The following POPDC3 variants were observed in gnomAD, a reference collection of about 807,000 sequenced individuals.
The protein encoded by POPDC3 is popeye domain-containing protein 3.
POPDC3 carries 20 observed loss-of-function variants against 28.2 expected under a neutral mutation model. That is an observed-to-expected ratio of 0.71 (90% CI 0.50 to 1.03). The LOEUF (loss-of-function observed/expected upper bound fraction) is 1.03. POPDC3 is among the 50% of genes least tolerant of loss of function. The probability of loss-of-function intolerance (pLI) is 0.00; values close to 1 mark genes in which losing one functional copy is unlikely to be tolerated. For synonymous variants in POPDC3, 118 were observed against 124.1 expected (o/e 0.95, Z 0.33); for missense variants, 316 against 345.9 (o/e 0.91, Z 0.69).
At chr6:105,160,501 A>G (rs1582988347) in intron 2 of POPDC3, among the ~76,000 whole-genome samples, 1 of 151,982 alleles carries the variant, frequency 6.6e-6, no homozygotes, top group Non-Finnish European at 1.5e-5. Flanking sequence ...GGCGTGAGCC[A>G]CCGCGCCTGG....
intron 1 of POPDC3, among the ~76,000 whole-genome samples, chr6:105,164,185 T>C (rs1008156329): frequency 3.9e-5 from 6 of 152,204 alleles, no homozygotes; most frequent in East Asian, 3.9e-4. Flanking sequence ...CTCTGAACTT[T>C]GGTTTGAACT....
In POPDC3 at chr6:105,161,698, T is replaced by C. The variant is rs1289066886; in HGVS notation, c.212A>G (p.Asp71Gly). 2 of 1,614,070 alleles carry C rather than the reference T, an allele frequency of 1.2e-6. No homozygotes were observed. Among genetic ancestry groups the C allele is most frequent in the Non-Finnish European group, 1.7e-6 (2 of 1,180,022 alleles). Reference sequence around the variant, plus strand: ...GGAAAATATGTCAGCTGCACAGACATCTACCCAAGCCCAGACAGCAGAACA... The same window carrying C: ...GGAAAATATGTCAGCTGCACAGACACCTACCCAAGCCCAGACAGCAGAACA... ...FLCSAVWAWV[D>G]VCAADIFSWN... The change falls in exon 2 of 4, where the codon GAT becomes GGT. Residue 71 changes from aspartate (D) to glycine (G), a missense_variant. Asp to Gly is a moderately conservative substitution (Grantham distance 94). Transcript: ENST00000254765.
At chr6:105,171,065 A>G (rs1191790005) in intron 1 of POPDC3, among the ~76,000 whole-genome samples, 1 of 152,160 alleles carries the variant, frequency 6.6e-6, no homozygotes, top group Admixed American at 6.5e-5. Context: ...CAAACTGTAA[A>G]TTTTCAAAAT....
rs59617768 is a variant in POPDC3, at chr6:105,163,792, A to C, written c.-251-1632T>G. On this transcript the variant is annotated intron_variant, in intron 1 of 3. Coordinates refer to ENST00000254765, the MANE Select transcript of POPDC3 (RefSeq NM_022361.5). ...CCAGGTGAATCATTTAAAAAAAAAG[A>C]AAAAAAAAGCTTAGACTTACAACTT... The C allele has an allele frequency of 1.0e-3, 158 of 151,566 alleles. 4 individuals carry two copies. The East Asian group carries it at 0.028, about 27-fold the overall frequency. 9.4% of individuals were successfully genotyped at this position (151,566 alleles called of 1,614,324 possible).
intron 1 of POPDC3, among the ~76,000 whole-genome samples, chr6:105,174,770 A>T (rs565078245): frequency 4.7e-4 from 72 of 152,336 alleles, no homozygotes; most frequent in African/African-American, 1.7e-3. Context: ...CACTGACAAA[A>T]TCTAGCCAAT....
intron 1 of POPDC3, 113 bp from the exon 2 acceptor site, chr6:105,162,273 G>A (rs548684883): frequency 2.6e-4 from 112 of 436,522 alleles, no homozygotes; most frequent in Non-Finnish European, 3.2e-4. Flanking sequence ...TTTCTATGAA[G>A]TTAGAGTATT....
At position 105,178,563 on chromosome 6, in the gene POPDC3, G is replaced by GACACAC. The variant is rs56060844; in HGVS notation, c.-252+1264_-252+1269dup. ...AATATTTGTATCCCAAACTCCTGAA[G>GACACAC]ACACACACACACACACACACACACA... On this transcript the variant is annotated intron_variant, in intron 1 of 3. Transcript: ENST00000254765. The GACACAC allele has an allele frequency of 5.9e-5, 9 of 152,964 alleles. No individual in the cohort carries two copies. The East Asian group carries it at 8.0e-4, about 14-fold the overall frequency. 9.5% of individuals were successfully genotyped at this position (152,964 alleles called of 1,614,324 possible).
rs150202904 is a variant in POPDC3 at position 105,161,835 on chromosome 6, G to C, written c.75C>G (p.Ala25=). The C allele has an allele frequency of 1.9e-6, 3 of 1,613,960 alleles. No homozygotes were observed. The highest frequency in any genetic ancestry group is 1.7e-5 in the Admixed American group (1 of 59,998). The change falls in exon 2 of 4, where the codon GCC becomes GCG. Residue 25 remains alanine, a synonymous_variant. Transcript: ENST00000254765. The stretch of plus-strand genomic sequence containing the variant: ...TGGCAAGATGATAAATGGCTCCTTC[G>C]GCCTCTTGCTTCCAGGTTGTGCAGA... ...HPVCTTWKQE[A]EGAIYHLASI... is the part of the protein sequence containing the mutation.
Position 105,172,317 on chromosome 6 carries a change from A to C in POPDC3, c.-252+7516T>G, listed in dbSNP as rs1024606807. Among the ~76,000 whole-genome samples the C allele has an allele frequency of 1.1e-4, 16 of 151,422 alleles. 3 individuals carry two copies. Among genetic ancestry groups the C allele is most frequent in the South Asian group, 2.1e-4 (1 of 4,798 alleles). On this transcript the variant is annotated intron_variant, in intron 1 of 3. Coordinates refer to ENST00000254765, the MANE Select transcript of POPDC3 (RefSeq NM_022361.5). ...ATCACTGGCCATCACATAAATGCAA[A>C]TCAAAACCACAATGAGATACCATCT... is the stretch of plus-strand genomic sequence containing the variant.
intron 1 of POPDC3, among the ~76,000 whole-genome samples, chr6:105,171,105 A>G (rs1774568005): frequency 6.6e-6 from 1 of 152,224 alleles, no homozygotes; most frequent in African/African-American, 2.4e-5. Context: ...TAGCTGGTAG[A>G]TGTTTGAGAG....
At position 105,161,607 on chromosome 6, in the gene POPDC3, G is replaced by C; in HGVS notation, c.303C>G (p.Ser101Arg). The change falls in exon 2 of 4, where the codon AGC (serine) becomes AGG (arginine). Residue 101 changes from serine (S) to arginine (R), a missense_variant. Physicochemically the swap from Ser to Arg is moderately radical, Grantham distance 110. Transcript: ENST00000254765. ...QFVHIAYQVRSITFAREFQVL... is the reference protein window; with the variant it reads ...QFVHIAYQVRRITFAREFQVL... ...CTTGGAATTCTCGGGCAAAGGTTATGCTGCGAACTTGATATGCAATATGAA... is the reference window on the plus strand; with the variant it reads ...CTTGGAATTCTCGGGCAAAGGTTATCCTGCGAACTTGATATGCAATATGAA... 2 of 1,614,210 alleles carry C rather than the reference G, an allele frequency of 1.2e-6. No individual in the cohort carries two copies. The highest frequency in any genetic ancestry group is 1.7e-6 in the Non-Finnish European group (2 of 1,180,046).
intron 1 of POPDC3, among the ~76,000 whole-genome samples, chr6:105,179,404 C>T (rs182558586): frequency 1.1e-3 from 172 of 152,164 alleles, no homozygotes; most frequent in African/African-American, 3.7e-3. Context: ...TGACAAGGGC[C>T]CCTAGGAACG....
intron 1 of POPDC3, among the ~76,000 whole-genome samples, chr6:105,162,679 G>A (rs932806783): frequency 2.0e-5 from 3 of 152,200 alleles, no homozygotes; most frequent in Admixed American, 6.5e-5. Flanking sequence ...TCAGTGAGCC[G>A]AGATCATCTT....
chr6:105,159,625 C>A, intron 3 of POPDC3, 86 bp downstream of exon 3: 2 of 739,122 alleles, frequency 2.7e-6, no homozygotes, highest in Non-Finnish European at 2.3e-6. Context: ...CTTGTCTTAT[C>A]CACTGTTGTT....
intron 1 of POPDC3, among the ~76,000 whole-genome samples, chr6:105,164,322 GT>G (rs1774413951): frequency 6.6e-6 from 1 of 152,190 alleles, no homozygotes; most frequent in African/African-American, 2.4e-5. Context: ...ATCTTGATTT[GT>G]AGGATATATT....
chr6:105,161,486 G>A lies in POPDC3; in HGVS notation c.424C>T (p.His142Tyr), dbSNP rs767270997. ...GTTTTCCCCTGCATGGCATAACAGT[G>A]TTCCTTTTCCAAAGTAACCACTTCA... ...SSEVVTLEKEHCYAMQGKTSI... is the reference protein window; with the variant it reads ...SSEVVTLEKEYCYAMQGKTSI... Residue 142 changes from histidine (H) to tyrosine (Y), a missense_variant, in exon 2 of 4, where the codon CAC becomes TAC. By Grantham distance (83) the His-to-Tyr change is moderately conservative. Coordinates refer to ENST00000254765, the MANE Select transcript of POPDC3 (RefSeq NM_022361.5). The A allele has an allele frequency of 1.9e-6, 3 of 1,614,136 alleles. No homozygotes were observed. Among genetic ancestry groups the A allele is most frequent in the Non-Finnish European group, 1.7e-6 (2 of 1,180,002 alleles).
At chr6:105,172,192 A>G (rs922610228) in intron 1 of POPDC3, among the ~76,000 whole-genome samples, 1 of 151,086 alleles carries the variant, frequency 6.6e-6, no homozygotes, top group Non-Finnish European at 1.5e-5. Flanking sequence ...TACAAGAAAA[A>G]AACAAACAAC....
chr6:105,160,735 G>A (rs1774307233), intron 2 of POPDC3, among the ~76,000 whole-genome samples: 1 of 152,008 alleles, frequency 6.6e-6, no homozygotes, highest in Non-Finnish European at 1.5e-5. Flanking sequence ...TGGGACTACT[G>A]GCATGTGCCA....
rs1445110801 is a variant in POPDC3 at position 105,179,968 on chromosome 6, C to G, written c.-387G>C. 3 of 148,672 alleles carry G rather than the reference C, an allele frequency of 2.0e-5. No homozygotes were observed. In the East Asian group the frequency reaches 5.9e-4, roughly 29 times the overall value. 9.2% of individuals were successfully genotyped at this position (148,672 alleles called of 1,614,324 possible). On this transcript the variant is annotated 5_prime_UTR_variant, in exon 1 of 4. Coordinates refer to ENST00000254765, the MANE Select transcript of POPDC3 (RefSeq NM_022361.5). ...GAGTGCCTCGCCGCCCACCCTGCGG[C>G]GCCGGGCGCAGCGTGACCGCAGCGG...
Sources: allele counts gnomAD v4.1 joint callset (sites outside exome capture counted in the v4.1 genomes callset), GRCh38; gene constraint gnomAD v4.1.1; transcripts MANE v1.5; gene names NCBI Gene and HGNC (gene_info 2026-07-23, HGNC 2026-07-21).